Variants in PRKACA observed in about 807,000 individuals in gnomAD.
PRKACA encodes the protein cAMP-dependent protein kinase catalytic subunit alpha.
A neutral mutation model predicts 45.8 loss-of-function variants in PRKACA; 9 were observed. The observed-to-expected ratio is 0.20, with a 90% confidence interval of 0.12 to 0.34. The LOEUF (loss-of-function observed/expected upper bound fraction) is 0.34. Among genes scored for constraint, PRKACA ranks in the 10% least tolerant of loss-of-function variants. The probability of loss-of-function intolerance (pLI) is 1.00; values close to 1 mark genes in which losing one functional copy is unlikely to be tolerated. For synonymous variants in PRKACA, 160 were observed against 178.6 expected, an observed-to-expected ratio of 0.90 and a Z score of 0.83; for missense variants, 238 against 458.6, an observed-to-expected ratio of 0.52 and a Z score of 4.39.
At chr19:14,107,621 G>T in intron 1 of PRKACA, 2 of 1,343,278 alleles carry the variant, frequency 1.5e-6, no homozygotes, top group Non-Finnish European at 9.8e-7. Context: ...CATCCAAAGT[G>T]GGGTACAGAG....
intron 1 of PRKACA, among the ~76,000 whole-genome samples, chr19:14,112,851 A>G (rs1967008141): frequency 6.6e-6 from 1 of 152,192 alleles, no homozygotes; most frequent in Non-Finnish European, 1.5e-5. Context: ...CCCACTGGGC[A>G]GAGGGGAAAG....
chr19:14,094,993 G>A (rs901085422), intron 8 of PRKACA, among the ~76,000 whole-genome samples: 6 of 152,152 alleles, frequency 3.9e-5, no homozygotes, highest in South Asian at 4.1e-4. Context: ...CTGGGCCTGC[G>A]CATGCCTCTC....
At chr19:14,108,161 G>A in intron 1 of PRKACA, 1 of 985,472 alleles carries the variant, frequency 1.0e-6, no homozygotes, top group Non-Finnish European at 1.2e-6. Context: ...CCAGCAAAGT[G>A]GCTAAGGGCC....
intron 5 of PRKACA, among the ~76,000 whole-genome samples, chr19:14,099,815 A>G (rs945654167): frequency 1.3e-5 from 2 of 151,192 alleles, no homozygotes; most frequent in African/African-American, 4.9e-5. Context: ...AAAACTGTCC[A>G]CCTATATAAA....
chr19:14,106,932 CG>C lies in PRKACA; in HGVS notation c.109-45del, dbSNP rs751519903. 1.9e-6 allele frequency: 3 copies of C among 1,609,410 alleles called. No individual in the cohort carries two copies. The African/African-American group carries it at 4.0e-5, about 21-fold the overall frequency. ...GTAGGCTCAGGGCACGCCCTCCCCG[CG>C]GCCTGCTTGGCTAAGGTCTGGGGCA... is the stretch of plus-strand genomic sequence containing the variant. On this transcript the variant is annotated intron_variant, in intron 2 of 9. Transcript: ENST00000308677.
chr19:14,107,428 A>C lies in PRKACA; in HGVS notation c.47-19T>G, dbSNP rs1437912399. On this transcript the variant is annotated intron_variant, in intron 1 of 9. Transcript: ENST00000308677. ...TCTTTCACTGAAAGGGAGAGAGGGG[A>C]GAGTTATACAGAGACGCCCGTCTCA... is the stretch of plus-strand genomic sequence containing the variant. The C allele has an allele frequency of 6.2e-7, 1 of 1,609,652 alleles. No homozygotes were observed. The highest frequency in any genetic ancestry group is 1.1e-5 in the South Asian group (1 of 90,952).
chr19:14,108,334 AGTGGCCCC>A (rs1193197663), intron 1 of PRKACA: 1 of 163,492 alleles, frequency 6.1e-6, no homozygotes, highest in African/African-American at 2.4e-5. Flanking sequence ...GGAGTTGAAC[AGTGGCCCC>A]GTGTGATGAT....
At chr19:14,116,636 G>C (rs1179114204) in intron 1 of PRKACA, among the ~76,000 whole-genome samples, 3 of 152,128 alleles carry the variant, frequency 2.0e-5, no homozygotes, top group African/African-American at 7.2e-5. Flanking sequence ...CTCACTGCAA[G>C]ACAGGAAATG....
At chr19:14,095,667 G>GCCA (rs1441782660) in intron 8 of PRKACA, among the ~76,000 whole-genome samples, 3 of 150,594 alleles carry the variant, frequency 2.0e-5, no homozygotes, top group Non-Finnish European at 4.4e-5. Flanking sequence ...ACAGGCACCC[G>GCCA]CCACCACGCC....
At chr19:14,095,807 C>T (rs746695213) in intron 8 of PRKACA, among the ~76,000 whole-genome samples, 3 of 152,056 alleles carry the variant, frequency 2.0e-5, no homozygotes, top group Admixed American at 6.6e-5. Context: ...TGAGCCACCG[C>T]GCCTGGCCTT....
Position 14,097,500 on chromosome 19 carries a change from G to A in PRKACA, c.643-17C>T, listed in dbSNP as rs1195934100. The A allele has an allele frequency of 1.9e-6, 3 of 1,614,064 alleles. No individual in the cohort carries two copies. The highest frequency in any genetic ancestry group is 2.2e-5 in the South Asian group (2 of 91,078). On this transcript the variant is annotated splice_polypyrimidine_tract_variant and intron_variant, in intron 7 of 9. Coordinates refer to ENST00000308677, the MANE Select transcript of PRKACA (RefSeq NM_002730.4). The surrounding 1 kb of genome is among the most constrained non-coding windows in gnomAD (Gnocchi z 5.4). Reference sequence around the variant, plus strand: ...GTTGTAGCCCTGGAGCAAGATGGGGGGGCACAGGGTGAGGAGGAGGCGAGA... The same window carrying A: ...GTTGTAGCCCTGGAGCAAGATGGGGAGGCACAGGGTGAGGAGGAGGCGAGA...
chr19:14,112,015 A>G (rs1448373339), intron 1 of PRKACA, among the ~76,000 whole-genome samples: 1 of 152,140 alleles, frequency 6.6e-6, no homozygotes. Flanking sequence ...TGCCCCACAG[A>G]GTCGCTCCAC....
chr19:14,101,570 A>G (rs1977445347), intron 4 of PRKACA, among the ~76,000 whole-genome samples: 1 of 152,100 alleles, frequency 6.6e-6, no homozygotes, highest in Non-Finnish European at 1.5e-5. Flanking sequence ...CTTAAACAAA[A>G]CAAAACAAAA....
At chr19:14,114,649 C>A (rs1197341602) in intron 1 of PRKACA, among the ~76,000 whole-genome samples, 1 of 152,128 alleles carries the variant, frequency 6.6e-6, no homozygotes, top group Non-Finnish European at 1.5e-5. Flanking sequence ...ACTTGGCTGT[C>A]TGACCTGGGC....
At chr19:14,099,638 G>A (rs558147789) in intron 5 of PRKACA, among the ~76,000 whole-genome samples, 23 of 143,548 alleles carry the variant, frequency 1.6e-4, no homozygotes, top group African/African-American at 5.7e-4. Flanking sequence ...GTCTTGCTAT[G>A]TAAGGCTGGT....
At chr19:14,101,086 G>A in intron 4 of PRKACA, 178 bp from the exon 5 acceptor site, 1 of 604,788 alleles carries the variant, frequency 1.7e-6, no homozygotes, top group Non-Finnish European at 3.0e-6. Flanking sequence ...GTGAAAGTGA[G>A]GGCTGGCTCA....
Position 14,097,427 on chromosome 19 carries a change from G to T in PRKACA, c.699C>A (p.Ala233=). ...WALGVLIYEM[A]AGYPPFFADQ... ...CTGCGAAGAAGGGCGGGTAGCCAGC[G>T]GCCATTTCATAGATAAGAACCCCCA... The change falls in exon 8 of 10, where the codon GCC becomes GCA. Residue 233 remains alanine (A), a synonymous_variant. Coordinates refer to ENST00000308677, the MANE Select transcript of PRKACA (RefSeq NM_002730.4). This position sits in a 1 kb window ranked among gnomAD's most constrained non-coding sequence, Gnocchi z 5.4. 1 of 1,614,064 alleles carries T rather than the reference G, an allele frequency of 6.2e-7. No homozygotes were observed. The highest frequency in any genetic ancestry group is 8.5e-7 in the Non-Finnish European group (1 of 1,180,028).
Position 14,093,809 on chromosome 19 carries a change from A to G in PRKACA, c.766-17T>C. The G allele has an allele frequency of 6.2e-7, 1 of 1,607,166 alleles. No individual in the cohort carries two copies. The highest frequency in any genetic ancestry group is 8.5e-7 in the Non-Finnish European group (1 of 1,176,596). Reference sequence around the variant, plus strand: ...GAAGCGCACCTGGAGGAAGGGGTACAAGGACAGGGTGGGAAGCTGGTCTGG... The same window carrying G: ...GAAGCGCACCTGGAGGAAGGGGTACGAGGACAGGGTGGGAAGCTGGTCTGG... On this transcript the variant is annotated splice_polypyrimidine_tract_variant and intron_variant, in intron 8 of 9. Transcript: ENST00000308677.
At chr19:14,104,715 A>T (rs968944000) in intron 3 of PRKACA, among the ~76,000 whole-genome samples, 2 of 149,752 alleles carry the variant, frequency 1.3e-5, no homozygotes, top group African/African-American at 5.0e-5. Flanking sequence ...AAAAAAAAAA[A>T]TTAAAAAATT....
Sources: allele counts gnomAD v4.1 joint callset (sites outside exome capture counted in the v4.1 genomes callset), GRCh38; gene constraint gnomAD v4.1.1; non-coding constraint Gnocchi (gnomAD v3.1); transcripts MANE v1.5; gene names NCBI Gene and HGNC (gene_info 2026-07-23, HGNC 2026-07-21).